The following INVS variants were observed in gnomAD, a reference collection of about 807,000 sequenced individuals.
INVS encodes inversion of embryo turning homolog.
Under a neutral mutation model 108.8 loss-of-function variants are expected in INVS, and 86 were observed. The observed-to-expected ratio is 0.79, with a 90% CI of 0.66 to 0.95. The LOEUF is 0.95. INVS is among the 40% of genes least tolerant of loss of function. INVS has a pLI of 0.00. For missense variants in INVS, 1,169 were observed against 1,297.4 expected (o/e 0.90, Z 1.52); for synonymous variants, 455 against 473.5 (o/e 0.96, Z 0.51).
At chr9:100,202,193 C>G (rs1015297479) in intron 3 of INVS, among the ~76,000 whole-genome samples, 12 of 152,018 alleles carry the variant, frequency 7.9e-5, no homozygotes, top group African/African-American at 2.9e-4. Context: ...GGGAGTCATT[C>G]CTTAAGCCTA....
intron 12 of INVS, among the ~76,000 whole-genome samples, chr9:100,276,962 AC>A (rs1161195435): frequency 6.6e-6 from 1 of 152,148 alleles, no homozygotes; most frequent in East Asian, 1.9e-4. Context: ...TTACTGGGAG[AC>A]CTGAGCTCCT....
At chr9:100,138,041 A>G (rs1828286447) in intron 3 of INVS, among the ~76,000 whole-genome samples, 2 of 152,312 alleles carry the variant, frequency 1.3e-5, no homozygotes, top group East Asian at 1.9e-4. Context: ...TTTATTTATA[A>G]GTAACTTTAA....
intron 3 of INVS, among the ~76,000 whole-genome samples, chr9:100,180,851 C>G (rs951567508): frequency 2.0e-5 from 3 of 152,118 alleles, no homozygotes; most frequent in Non-Finnish European, 4.4e-5. Context: ...GGCCAATATC[C>G]CTGATGAACA....
intron 12 of INVS, among the ~76,000 whole-genome samples, chr9:100,274,980 A>T (rs1233686207): frequency 6.6e-6 from 1 of 152,226 alleles, no homozygotes; most frequent in Non-Finnish European, 1.5e-5. Flanking sequence ...GAAGTTAAAT[A>T]CCACTATGTA....
intron 11 of INVS, among the ~76,000 whole-genome samples, chr9:100,267,944 A>G (rs1053146531): frequency 1.3e-5 from 2 of 152,198 alleles, no homozygotes; most frequent in Non-Finnish European, 2.9e-5. Flanking sequence ...TAATTTTGTT[A>G]GTATAATGAC....
intron 5 of INVS, among the ~76,000 whole-genome samples, chr9:100,239,535 T>C (rs944824160): frequency 3.3e-5 from 5 of 152,194 alleles, no homozygotes; most frequent in African/African-American, 9.6e-5. Flanking sequence ...ATAATCAGTA[T>C]GTAATGGTTA....
intron 16 of INVS, among the ~76,000 whole-genome samples, chr9:100,299,327 C>G (rs1181826209): frequency 6.6e-6 from 1 of 152,080 alleles, no homozygotes; most frequent in East Asian, 1.9e-4. Context: ...TATTATTGCT[C>G]TCACCCTCCA....
chr9:100,230,040 A>G (rs1357372320), intron 5 of INVS, among the ~76,000 whole-genome samples: 1 of 152,140 alleles, frequency 6.6e-6, no homozygotes, highest in Non-Finnish European at 1.5e-5. Flanking sequence ...TTTTAAACGC[A>G]TTCATTCCCC....
rs370549699 is a variant in INVS, at chr9:100,253,008, A to C, written c.1336A>C (p.Lys446Gln). The change falls in exon 10 of 17, where the codon AAG becomes CAG. Residue 446 changes from lysine (K) to glutamine (Q), a missense_variant. Lys to Gln is a moderately conservative substitution (Grantham distance 53). This residue lies in a region of INVS where 271 missense variants were observed against 363.8 expected (regional missense o/e 0.74). Coordinates refer to ENST00000262457, the MANE Select transcript of INVS (RefSeq NM_014425.5). ...ADVCQILIEN[K>Q]INPNVQDYAG... ...TGTTTGCCAGATATTAATAGAAAAT[A>C]AGATCAATCCAAATGTCCAGGATTA... 17 of 1,613,884 alleles carry C rather than the reference A, an allele frequency of 1.1e-5. No individual in the cohort carries two copies. In the Admixed American group the frequency reaches 1.7e-4, roughly 16 times the overall value.
intron 12 of INVS, among the ~76,000 whole-genome samples, chr9:100,280,713 T>A (rs1008955440): frequency 4.6e-5 from 7 of 152,222 alleles, no homozygotes; most frequent in Admixed American, 3.3e-4. Context: ...ATCTTTGACA[T>A]TTCATCATAA....
intron 3 of INVS, among the ~76,000 whole-genome samples, chr9:100,135,087 T>G (rs1314705324): frequency 1.3e-5 from 2 of 152,220 alleles, no homozygotes; most frequent in Non-Finnish European, 2.9e-5. Context: ...TGTGTGTTGG[T>G]TACATTAAAA....
At chr9:100,205,892 A>T (rs1830662107) in intron 3 of INVS, among the ~76,000 whole-genome samples, 1 of 152,070 alleles carries the variant, frequency 6.6e-6, no homozygotes, top group Admixed American at 6.5e-5. Flanking sequence ...ACATGTTAGA[A>T]TTGTAGCATT....
chr9:100,293,443 C>T (rs1361090564), intron 14 of INVS, among the ~76,000 whole-genome samples: 2 of 152,138 alleles, frequency 1.3e-5, no homozygotes, highest in East Asian at 3.9e-4. Context: ...TGACAGGTTG[C>T]TGGAATGAGA....
intron 10 of INVS, among the ~76,000 whole-genome samples, chr9:100,256,613 G>A (rs1216029296): frequency 6.6e-6 from 1 of 152,116 alleles, no homozygotes; most frequent in Non-Finnish European, 1.5e-5. Flanking sequence ...CTGGTGTGTT[G>A]TGTCTTTGTT....
intron 3 of INVS, among the ~76,000 whole-genome samples, chr9:100,213,126 C>T (rs1405615181): frequency 6.8e-6 from 1 of 147,942 alleles, no homozygotes; most frequent in Non-Finnish European, 1.5e-5. Context: ...GCTCCACCCT[C>T]GTGATGTAAT....
intron 15 of INVS, 128 bp downstream of exon 15, chr9:100,297,274 T>G: frequency 1.3e-6 from 1 of 799,094 alleles, no homozygotes. Flanking sequence ...CAAAATTAAT[T>G]GTATTATTAA....
At chr9:100,124,705 T>C (rs992644715) in intron 2 of INVS, among the ~76,000 whole-genome samples, 3 of 152,216 alleles carry the variant, frequency 2.0e-5, no homozygotes, top group African/African-American at 7.2e-5. Context: ...TTAAAATTCT[T>C]GTCATATAAT....
intron 3 of INVS, among the ~76,000 whole-genome samples, chr9:100,154,257 T>G (rs192148024): frequency 6.6e-6 from 1 of 151,646 alleles, no homozygotes; most frequent in African/African-American, 2.4e-5. Flanking sequence ...TCGACATTTT[T>G]GGGCTTAGTG....
At chr9:100,100,947 C>CA (rs1225463263) in intron 1 of INVS, among the ~76,000 whole-genome samples, 29 of 15,758 alleles carry the variant, frequency 1.8e-3, no homozygotes, top group East Asian at 0.012. Flanking sequence ...AATATATATA[C>CA]ATATATATTA....
Sources: allele counts gnomAD v4.1 joint callset (sites outside exome capture counted in the v4.1 genomes callset), GRCh38; gene constraint gnomAD v4.1.1; regional missense constraint gnomAD v4.1.1; transcripts MANE v1.5; gene names NCBI Gene and HGNC (gene_info 2026-07-23, HGNC 2026-07-21).